The following CUX1 variants were observed in gnomAD, a reference collection of about 807,000 sequenced individuals.
The protein encoded by CUX1 is cut like homeobox 1.
A neutral mutation model predicts 158.8 loss-of-function variants in CUX1; 31 were observed. The observed-to-expected ratio is 0.20, with a 90% CI of 0.15 to 0.26. The LOEUF is 0.26. CUX1 is among the 10% of genes least tolerant of loss of function. CUX1 has a pLI of 1.00. For missense variants in CUX1, 1,589 were observed against 2,014.6 expected (o/e 0.79, Z 4.04); for synonymous variants, 879 against 862.1 (o/e 1.02, Z -0.34).
At chr7:101,879,209 G>A (rs538379463) in intron 1 of CUX1, among the ~76,000 whole-genome samples, 1 of 152,102 alleles carries the variant, frequency 6.6e-6, no homozygotes, top group African/African-American at 2.4e-5. Flanking sequence ...GGAGTCCCTG[G>A]GGTTGTCTTG....
chr7:102,227,279 A>T, intron 20 of CUX1, 88 bp from the exon 21 acceptor site: 1 of 1,153,808 alleles, frequency 8.7e-7, no homozygotes, highest in Non-Finnish European at 1.3e-6. Context: ...CAGAGCGTTT[A>T]ATTAGTATTT....
intron 11 of CUX1, among the ~76,000 whole-genome samples, chr7:102,179,538 G>A (rs1563361305): frequency 6.6e-6 from 1 of 152,212 alleles, no homozygotes. Context: ...CCCTGTCCAG[G>A]TGCTGCTTCA....
chr7:102,127,103 C>CT (rs1209864017), intron 8 of CUX1, among the ~76,000 whole-genome samples: 5 of 152,212 alleles, frequency 3.3e-5, no homozygotes, highest in Admixed American at 1.3e-4. Flanking sequence ...ACAGACGAAG[C>CT]TTCCCTCCTG....
chr7:102,112,932 A>T (rs537159857), intron 7 of CUX1, among the ~76,000 whole-genome samples: 1 of 152,288 alleles, frequency 6.6e-6, no homozygotes, highest in Non-Finnish European at 1.5e-5. Context: ...CAGATTATTT[A>T]AATGTAGACA....
At chr7:102,027,261 TACTC>T (rs2129331769) in intron 2 of CUX1, among the ~76,000 whole-genome samples, 1 of 152,214 alleles carries the variant, frequency 6.6e-6, no homozygotes, top group African/African-American at 2.4e-5. Context: ...TAGTCCCACT[TACTC>T]GGGAGGCTGA....
In CUX1 at chr7:102,010,223, G is replaced by A. The variant is rs576722560; in HGVS notation, c.142-17875G>A. On this transcript the variant is annotated intron_variant, in intron 2 of 23. Transcript: ENST00000292535. Reference sequence around the variant, plus strand: ...AGCCTGGCCAACATGGTGAAACCCCGTCTCTACTAAATAATACAAAAATTA... The same window carrying A: ...AGCCTGGCCAACATGGTGAAACCCCATCTCTACTAAATAATACAAAAATTA... 1.1e-3 allele frequency among the ~76,000 whole-genome samples: 161 copies of A among 151,752 alleles called. 1 individual carries two copies. The highest frequency in any genetic ancestry group is 3.8e-3 in the African/African-American group (156 of 41,374).
At chr7:102,126,177 C>CTCTG (rs139199926) in intron 8 of CUX1, among the ~76,000 whole-genome samples, 13 of 135,466 alleles carry the variant, frequency 9.6e-5, no homozygotes. Context: ...CCATTTCCGG[C>CTCTG]TGTGTGTGTG....
chr7:101,848,792 G>A (rs1202996793), intron 1 of CUX1, among the ~76,000 whole-genome samples: 1 of 151,576 alleles, frequency 6.6e-6, no homozygotes, highest in East Asian at 1.9e-4. Context: ...TGGGAGGATT[G>A]TTGAGCCCAG....
At chr7:101,886,809 A>G (rs1208020195) in intron 1 of CUX1, among the ~76,000 whole-genome samples, 2 of 152,240 alleles carry the variant, frequency 1.3e-5, no homozygotes. Context: ...CCTCTCTCCC[A>G]TGGGCAGGTT....
intron 4 of CUX1, among the ~76,000 whole-genome samples, chr7:102,091,631 G>A (rs191554965): frequency 5.9e-5 from 9 of 151,848 alleles, no homozygotes; most frequent in Admixed American, 2.6e-4. Context: ...CACCCCACCC[G>A]GCCAGGATCA....
chr7:101,862,180 A>G (rs144475242), intron 1 of CUX1, among the ~76,000 whole-genome samples: 1,631 of 152,040 alleles, frequency 0.011, 16 homozygotes, highest in Non-Finnish European at 0.018. Context: ...TTTTTCTCTG[A>G]ATAAATGGAT....
At chr7:101,829,866 A>G (rs1186292700) in intron 1 of CUX1, among the ~76,000 whole-genome samples, 1 of 152,082 alleles carries the variant, frequency 6.6e-6, no homozygotes, top group Non-Finnish European at 1.5e-5. Flanking sequence ...CTCAGGCTGT[A>G]AGGAGCCCCC....
chr7:101,977,506 A>G (rs1156884056), intron 2 of CUX1, among the ~76,000 whole-genome samples: 1 of 152,126 alleles, frequency 6.6e-6, no homozygotes, highest in East Asian at 1.9e-4. Context: ...GCCAGGCATG[A>G]TGGTGCACAC....
chr7:101,946,782 C>T (rs1808435008), intron 2 of CUX1, among the ~76,000 whole-genome samples: 1 of 152,150 alleles, frequency 6.6e-6, no homozygotes, highest in South Asian at 2.1e-4. Context: ...CCACAGGAGG[C>T]ATAGACTTGC....
chr7:101,860,735 C>CCCTT (rs1300604785), intron 1 of CUX1, among the ~76,000 whole-genome samples: 18,066 of 90,132 alleles, frequency 0.2, 2,236 homozygotes, highest in East Asian at 0.39. Context: ...TCCCCTTCCT[C>CCCTT]CCTTCCTTCC....
chr7:101,854,031 TGCTTTCCAGC>T (rs1358960033), intron 1 of CUX1, among the ~76,000 whole-genome samples: 41 of 152,314 alleles, frequency 2.7e-4, no homozygotes, highest in Middle Eastern at 3.4e-3. Context: ...GGCTTTCCAG[TGCTTTCCAGC>T]GCTTTCCAGC....
chr7:102,184,686 C>T (rs917563867), intron 11 of CUX1, among the ~76,000 whole-genome samples: 25 of 152,126 alleles, frequency 1.6e-4, no homozygotes, highest in Non-Finnish European at 3.1e-4. Flanking sequence ...TGCTCTTTTG[C>T]CCCAGGATGG....
intron 9 of CUX1, among the ~76,000 whole-genome samples, chr7:102,168,509 T>C (rs547136139): frequency 3.8e-4 from 57 of 151,656 alleles, no homozygotes; most frequent in African/African-American, 1.3e-3. Context: ...TAGCCAGGCA[T>C]GGTGGGCACC....
Position 102,249,009 on chromosome 7 carries a change from C to T in CUX1, c.4485C>T (p.Ala1495=). Residue 1495 remains alanine (A), a synonymous_variant, in exon 24 of 24, where the codon GCC becomes GCT. Coordinates refer to ENST00000292535, the MANE Select transcript of CUX1 (RefSeq NM_181552.4). ...NSIIHRLEKA[A]SREEPIEWEF is the part of the protein sequence containing the mutation. Reference sequence around the variant, plus strand: ...TCATCCACCGCCTGGAGAAGGCCGCCAGCCGGGAGGAACCTATCGAATGGG... The same window carrying T: ...TCATCCACCGCCTGGAGAAGGCCGCTAGCCGGGAGGAACCTATCGAATGGG... 7.1e-7 allele frequency: 1 copy of T among 1,399,670 alleles called. No individual in the cohort carries two copies. The highest frequency in any genetic ancestry group is 2.7e-5 in the Admixed American group (1 of 36,384). The allele number at this position is 1,399,670 out of a possible 1,614,324, so 86.7% of individuals were successfully genotyped here.
Sources: gnomAD v4.1 joint callset for allele counts (sites outside exome capture counted in the v4.1 genomes callset) on GRCh38, gnomAD v4.1.1 for gene constraint, MANE v1.5 for transcripts, NCBI Gene and HGNC (gene_info 2026-07-23, HGNC 2026-07-21) for gene names.